Variants in RAI14 observed in about 807,000 individuals in gnomAD.
RAI14 encodes ankycorbin.
In RAI14, 45 loss-of-function variants were observed where a neutral mutation model predicts 115.4. The ratio of observed to expected loss-of-function variants is 0.39; its 90% CI spans 0.31 to 0.50. The LOEUF is 0.50. Among genes scored for constraint, RAI14 ranks in the 20% least tolerant of loss-of-function variants. The pLI, the probability that RAI14 is intolerant of heterozygous loss-of-function variation, is 0.85. For synonymous variants in RAI14, 371 were observed against 415.4 expected, an observed-to-expected ratio of 0.89 and a Z score of 1.30; for missense variants, 939 against 1,131.2, an observed-to-expected ratio of 0.83 and a Z score of 2.44.
chr5:34,663,742 G>A (rs149775149), intron 1 of RAI14, among the ~76,000 whole-genome samples: 9 of 152,296 alleles, frequency 5.9e-5, no homozygotes, highest in African/African-American at 1.7e-4. Context: ...CAGATATAGA[G>A]TTGTCCTAGT....
rs772030246 is a variant in RAI14, at chr5:34,830,791, C to T, written c.*26C>T. On this transcript the variant is annotated 3_prime_UTR_variant, in exon 18 of 18. Coordinates refer to ENST00000265109, the MANE Select transcript of RAI14 (RefSeq NM_015577.3). ...AGTGGATTCCTTGGCAGGACACTGC[C>T]CCTTGTCATCTGTCTTTGTGTTAGA... 4.3e-6 allele frequency: 7 copies of T among 1,613,356 alleles called. No individual in the cohort carries two copies. The highest frequency in any genetic ancestry group is 5.9e-6 in the Non-Finnish European group (7 of 1,179,570).
chr5:34,756,678 C>G (rs1747925235), intron 2 of RAI14, among the ~76,000 whole-genome samples: 1 of 152,224 alleles, frequency 6.6e-6, no homozygotes, highest in African/African-American at 2.4e-5. Flanking sequence ...TTCAGTGGCT[C>G]ACTGCTGCCT....
At chr5:34,804,201 A>G (rs1754602883) in intron 5 of RAI14, among the ~76,000 whole-genome samples, 1 of 152,166 alleles carries the variant, frequency 6.6e-6, no homozygotes, top group African/African-American at 2.4e-5. Context: ...GCAAACTTTC[A>G]ACCATTATTT....
intron 2 of RAI14, among the ~76,000 whole-genome samples, chr5:34,713,507 A>G (rs933540374): frequency 2.6e-5 from 4 of 152,196 alleles, no homozygotes; most frequent in Non-Finnish European, 5.9e-5. Context: ...AACAAACCCA[A>G]AACTTAAAAA....
rs539275435 is a variant in RAI14 at position 34,782,362 on chromosome 5, G to A, written c.168-13577G>A. On this transcript the variant is annotated intron_variant, in intron 3 of 17. Coordinates refer to ENST00000265109, the MANE Select transcript of RAI14 (RefSeq NM_015577.3). ...CTCCCAGGAGTCAGGTTCCGCATCTGCAGACTATACAGAGACAACACAGAT... is the reference window on the plus strand; with the variant it reads ...CTCCCAGGAGTCAGGTTCCGCATCTACAGACTATACAGAGACAACACAGAT... 1.3e-4 allele frequency among the ~76,000 whole-genome samples: 20 copies of A among 152,220 alleles called. No individual in the cohort carries two copies. In the South Asian group the frequency reaches 4.2e-3, roughly 32 times the overall value.
At chr5:34,716,210 A>G in intron 2 of RAI14, 1 of 345,766 alleles carries the variant, frequency 2.9e-6, no homozygotes, top group South Asian at 2.3e-5. Flanking sequence ...TTACATGCCT[A>G]CATCTTTTGA....
At position 34,747,630 on chromosome 5, in the gene RAI14, C is replaced by T. The variant is rs373240091; in HGVS notation, c.37-9838C>T. Among the ~76,000 whole-genome samples, 8 of 152,300 alleles carry T rather than the reference C, an allele frequency of 5.3e-5. No homozygotes were observed. The East Asian group carries it at 5.8e-4, about 11-fold the overall frequency. ...TTTTCTCCATGAAGGAAAAAATTGG[C>T]TTCACCTATTTTAGGCTTATCTCTG... On this transcript the variant is annotated intron_variant, in intron 2 of 17. Coordinates refer to ENST00000265109, the MANE Select transcript of RAI14 (RefSeq NM_015577.3).
intron 17 of RAI14, among the ~76,000 whole-genome samples, chr5:34,830,399 T>C (rs975627249): frequency 2.0e-5 from 3 of 152,190 alleles, no homozygotes; most frequent in Non-Finnish European, 4.4e-5. Context: ...GGCTCTATGA[T>C]GCTTGGTGTT....
rs1757983564 is a variant in RAI14, at chr5:34,831,024, G to A, written c.*259G>A. On this transcript the variant is annotated 3_prime_UTR_variant, in exon 18 of 18. Coordinates refer to ENST00000265109, the MANE Select transcript of RAI14 (RefSeq NM_015577.3). ...AGAGCTGGGATCAGCCATGCCCAGA[G>A]GTCTGGTCCTGATGCTGGCAGGGGG... 1.8e-6 allele frequency: 1 copy of A among 544,650 alleles called. No individual in the cohort carries two copies. The highest frequency in any genetic ancestry group is 2.8e-6 in the Non-Finnish European group (1 of 351,024). 33.7% of individuals were successfully genotyped at this position (544,650 alleles called of 1,614,324 possible). A position where few individuals can be genotyped will look rare whatever the true frequency, so the allele number is the denominator to read the frequency against.
chr5:34,674,111 CA>C (rs796321048), intron 1 of RAI14, among the ~76,000 whole-genome samples: 18 of 147,248 alleles, frequency 1.2e-4, no homozygotes, highest in African/African-American at 2.0e-4. Flanking sequence ...GGACTGCAGA[CA>C]AAAAAAAAAT....
intron 2 of RAI14, among the ~76,000 whole-genome samples, chr5:34,751,820 A>G (rs1352303814): frequency 6.6e-6 from 1 of 152,250 alleles, no homozygotes; most frequent in African/African-American, 2.4e-5. Context: ...TAGTTCTACA[A>G]GAAAATAGTG....
intron 2 of RAI14, among the ~76,000 whole-genome samples, chr5:34,752,666 G>T (rs1475927749): frequency 6.7e-6 from 1 of 149,534 alleles, no homozygotes; most frequent in African/African-American, 2.5e-5. Flanking sequence ...TTTTTCTTGT[G>T]ATCCTCCAGT....
intron 12 of RAI14, 130 bp downstream of exon 12, chr5:34,814,799 AG>A: frequency 1.4e-6 from 1 of 700,048 alleles, no homozygotes; most frequent in Non-Finnish European, 2.4e-6. Flanking sequence ...TTCACCATGA[AG>A]TACCCCTTGA....
At chr5:34,826,236 A>G (rs1757430745) in intron 15 of RAI14, 94 bp from the exon 16 acceptor site, 2 of 1,265,666 alleles carry the variant, frequency 1.6e-6, no homozygotes, top group Non-Finnish European at 2.2e-6. Flanking sequence ...CCCAGAGGCC[A>G]AAAGAGATGA....
At chr5:34,795,806 G>A (rs932967339) in intron 3 of RAI14, 133 bp from the exon 4 acceptor site, 3 of 581,342 alleles carry the variant, frequency 5.2e-6, no homozygotes, top group Non-Finnish European at 9.2e-6. Flanking sequence ...ATAATGCCTA[G>A]TCAGTGGGTG....
At chr5:34,743,103 G>A (rs988896548) in intron 2 of RAI14, among the ~76,000 whole-genome samples, 1 of 152,204 alleles carries the variant, frequency 6.6e-6, no homozygotes, top group African/African-American at 2.4e-5. Flanking sequence ...GGATGTTTGT[G>A]CTGGTTGAGC....
chr5:34,753,942 AT>A (rs915302087), intron 2 of RAI14, among the ~76,000 whole-genome samples: 6 of 148,418 alleles, frequency 4.0e-5, no homozygotes, highest in Admixed American at 4.0e-4. Flanking sequence ...TTAGCCAGGC[AT>A]GGTGGCAGAT....
intron 3 of RAI14, among the ~76,000 whole-genome samples, chr5:34,770,763 C>T (rs1561338990): frequency 6.6e-6 from 1 of 152,176 alleles, no homozygotes; most frequent in Non-Finnish European, 1.5e-5. Flanking sequence ...AGCCAGGACA[C>T]TGCGTGTAGA....
intron 2 of RAI14, among the ~76,000 whole-genome samples, chr5:34,739,955 G>C (rs912241550): frequency 2.0e-5 from 3 of 152,094 alleles, no homozygotes; most frequent in African/African-American, 7.2e-5. Flanking sequence ...CAGCTACTTG[G>C]GAGGCAGGAG....
Sources: gnomAD v4.1 joint callset for allele counts (sites outside exome capture counted in the v4.1 genomes callset) on GRCh38, gnomAD v4.1.1 for gene constraint, MANE v1.5 for transcripts, NCBI Gene and HGNC (gene_info 2026-07-23, HGNC 2026-07-21) for gene names.